Variants in CCSER1 observed in about 807,000 individuals in gnomAD.
CCSER1 encodes the protein coiled-coil serine rich protein 1.
Under a neutral mutation model 82.0 loss-of-function variants are expected in CCSER1, and 41 were observed. That is an observed-to-expected ratio of 0.50 (90% CI 0.39 to 0.65). CCSER1 has a LOEUF of 0.65. Ranked by LOEUF, CCSER1 falls within the 30% of genes least tolerant of loss-of-function variation. CCSER1 has a pLI of 0.00. For missense variants in CCSER1, 1,119 were observed against 1,064.2 expected (o/e 1.05, Z -0.72); for synonymous variants, 414 against 383.9 (o/e 1.08, Z -0.92).
In CCSER1 at chr4:90,312,926, C is replaced by T. The variant is rs765248535; in HGVS notation, c.1388C>T (p.Ser463Leu). The stretch of plus-strand genomic sequence containing the variant: ...TTTATAGAGAGGAGACTGCGATCCT[C>T]GTCAGAAGGCACTGCAGGGAGTAGC... ...GRFIERRLRS[S>L]SEGTAGSSRM... The change falls in exon 3 of 11, where the codon TCG (serine) becomes TTG (leucine). Residue 463 changes from serine (S) to leucine (L), a missense_variant. Physicochemically the swap from Ser to Leu is moderately radical, Grantham distance 145. Transcript: ENST00000509176. The T allele has an allele frequency of 1.8e-5, 28 of 1,586,972 alleles. No individual in the cohort carries two copies. Among genetic ancestry groups the T allele is most frequent in the Middle Eastern group, 1.7e-4 (1 of 6,058 alleles).
chr4:90,282,472 G>C (rs1317030308), intron 1 of CCSER1, among the ~76,000 whole-genome samples: 1 of 150,868 alleles, frequency 6.6e-6, no homozygotes, highest in Non-Finnish European at 1.5e-5. Flanking sequence ...TATTGTTATT[G>C]TTGCTGTTAA....
intron 9 of CCSER1, among the ~76,000 whole-genome samples, chr4:90,941,593 C>T (rs1055815264): frequency 7.9e-5 from 12 of 152,054 alleles, no homozygotes; most frequent in African/African-American, 2.9e-4. Context: ...AGATGCTTTT[C>T]AGGTTGTATT....
At chr4:90,291,753 G>A (rs1730983803) in intron 1 of CCSER1, among the ~76,000 whole-genome samples, 1 of 151,840 alleles carries the variant, frequency 6.6e-6, no homozygotes, top group Admixed American at 6.6e-5. Flanking sequence ...TAGGCAATAT[G>A]CTTTAATATA....
chr4:90,752,666 T>C (rs1370934720), intron 7 of CCSER1, among the ~76,000 whole-genome samples: 1 of 152,048 alleles, frequency 6.6e-6, no homozygotes, highest in Non-Finnish European at 1.5e-5. Flanking sequence ...TCTCACATCT[T>C]CCCCCTACAG....
In CCSER1 at chr4:91,080,568, G is replaced by A. The variant is rs185660372; in HGVS notation, c.2173-5382G>A. ...AGAAGGCAAGAAATAACTAAGATCA[G>A]AGCAGAACTGAAGGAGATAGAGGCA... On this transcript the variant is annotated intron_variant, in intron 9 of 10. Transcript: ENST00000509176. Among the ~76,000 whole-genome samples, 454 of 152,238 alleles carry A rather than the reference G, an allele frequency of 3.0e-3. 8 individuals carry two copies. Among genetic ancestry groups the A allele is most frequent in the Non-Finnish European group, 1.3e-3 (88 of 68,010 alleles).
chr4:91,049,977 A>G (rs1282151538), intron 9 of CCSER1, among the ~76,000 whole-genome samples: 2 of 152,092 alleles, frequency 1.3e-5, no homozygotes, highest in Non-Finnish European at 2.9e-5. Flanking sequence ...TTACTTCTCT[A>G]AACTTCAATA....
rs147134196 is a variant in CCSER1, at chr4:90,548,507, C to T, written c.1725-79518C>T. Reference sequence around the variant, plus strand: ...GTAGAGCCTCTGGGACTCATGACTCCGAGGGTGGCTAGAGAACAGATACAC... The same window carrying T: ...GTAGAGCCTCTGGGACTCATGACTCTGAGGGTGGCTAGAGAACAGATACAC... On this transcript the variant is annotated intron_variant, in intron 5 of 10. Coordinates refer to ENST00000509176, the MANE Select transcript of CCSER1 (RefSeq NM_001145065.2). Among the ~76,000 whole-genome samples the T allele has an allele frequency of 5.1e-4, 78 of 152,034 alleles. 1 individual carries two copies. Among genetic ancestry groups the T allele is most frequent in the African/African-American group, 1.7e-3 (69 of 41,460 alleles).
intron 9 of CCSER1, among the ~76,000 whole-genome samples, chr4:90,926,297 T>TA (rs1207866921): frequency 1.3e-5 from 2 of 152,034 alleles, no homozygotes; most frequent in African/African-American, 4.8e-5. Context: ...TCTTGTACAT[T>TA]ATGGATGTTT....
chr4:90,559,928 G>C (rs1778563498), intron 5 of CCSER1, among the ~76,000 whole-genome samples: 1 of 151,008 alleles, frequency 6.6e-6, no homozygotes, highest in South Asian at 2.1e-4. Flanking sequence ...CCCCAGCCTG[G>C]GTGAAAGAGC....
chr4:90,294,577 A>T (rs926098486), intron 1 of CCSER1, among the ~76,000 whole-genome samples: 8 of 151,994 alleles, frequency 5.3e-5, no homozygotes, highest in African/African-American at 1.9e-4. Context: ...CACTGTTAAT[A>T]ATTTTTGTGT....
chr4:91,431,856 A>G (rs1451534074), intron 10 of CCSER1, among the ~76,000 whole-genome samples: 1 of 152,118 alleles, frequency 6.6e-6, no homozygotes, highest in East Asian at 1.9e-4. Flanking sequence ...AGATTTTTCT[A>G]AATTAGTTCA....
intron 4 of CCSER1, among the ~76,000 whole-genome samples, chr4:90,424,200 G>T (rs939686533): frequency 6.6e-6 from 1 of 151,906 alleles, no homozygotes; most frequent in Non-Finnish European, 1.5e-5. Context: ...CTTTAAAGAG[G>T]TACATAAAAT....
intron 10 of CCSER1, among the ~76,000 whole-genome samples, chr4:91,391,839 C>A (rs1005558582): frequency 1.3e-5 from 2 of 152,092 alleles, no homozygotes; most frequent in Non-Finnish European, 2.9e-5. Flanking sequence ...TGATCATTTT[C>A]ATTAAATATT....
intron 4 of CCSER1, among the ~76,000 whole-genome samples, chr4:90,445,080 T>C (rs1760460429): frequency 6.6e-6 from 1 of 151,972 alleles, no homozygotes. Flanking sequence ...TAACTTTATA[T>C]AGAAAAAGCA....
chr4:91,180,709 C>T (rs1366916754), intron 10 of CCSER1, among the ~76,000 whole-genome samples: 4 of 151,920 alleles, frequency 2.6e-5, no homozygotes, highest in African/African-American at 9.7e-5. Context: ...GTCAGGGAGA[C>T]CCTAACTCAG....
chr4:91,497,756 C>T (rs1759002143), intron 10 of CCSER1, among the ~76,000 whole-genome samples: 1 of 151,748 alleles, frequency 6.6e-6, no homozygotes, highest in African/African-American at 2.4e-5. Context: ...GTATAGTATT[C>T]ACTATTATAT....
intron 10 of CCSER1, among the ~76,000 whole-genome samples, chr4:91,409,718 G>A (rs1334959307): frequency 4.6e-5 from 7 of 151,460 alleles, no homozygotes; most frequent in Admixed American, 2.0e-4. Context: ...GCAGAGTCTC[G>A]CTGGGTCACC....
chr4:91,564,215 C>A (rs1762781973), intron 10 of CCSER1, among the ~76,000 whole-genome samples: 1 of 151,732 alleles, frequency 6.6e-6, no homozygotes, highest in African/African-American at 2.4e-5. Flanking sequence ...AAAAGACAGA[C>A]ATAATCTCGT....
chr4:90,918,047 C>T (rs978853552), intron 8 of CCSER1, among the ~76,000 whole-genome samples: 1 of 151,914 alleles, frequency 6.6e-6, no homozygotes, highest in African/African-American at 2.4e-5. Flanking sequence ...CTATCTTTTG[C>T]CAAACTTTCT....
Sources: gnomAD v4.1 joint callset for allele counts (sites outside exome capture counted in the v4.1 genomes callset) on GRCh38, gnomAD v4.1.1 for gene constraint, MANE v1.5 for transcripts, NCBI Gene and HGNC (gene_info 2026-07-23, HGNC 2026-07-21) for gene names.